TMEM38A: variants seen among roughly 807,000 people sequenced by gnomAD.
TMEM38A encodes the protein transmembrane protein 38A.
TMEM38A carries 17 observed loss-of-function variants against 28.6 expected under a neutral mutation model. The observed-to-expected ratio is 0.60, with a 90% CI of 0.41 to 0.89. The LOEUF (loss-of-function observed/expected upper bound fraction) is 0.89, where lower values mean the gene tolerates loss of function less well. TMEM38A is among the 40% of genes least tolerant of loss of function. The pLI, the probability that TMEM38A is intolerant of heterozygous loss-of-function variation, is 0.00. For synonymous variants in TMEM38A, 169 were observed against 166.1 expected (o/e 1.02, Z -0.14); for missense variants, 328 against 393.1 (o/e 0.83, Z 1.40).
At position 16,689,339 on chromosome 19, in the gene TMEM38A, A is replaced by C. The variant is rs1209798840; in HGVS notation, c.*968A>C. 1 of 152,260 alleles carries C rather than the reference A, an allele frequency of 6.6e-6. No homozygotes were observed. The highest frequency in any genetic ancestry group is 1.5e-5 in the Non-Finnish European group (1 of 68,070). 9.4% of individuals were successfully genotyped at this position (152,260 alleles called of 1,614,324 possible). On this transcript the variant is annotated 3_prime_UTR_variant, in exon 6 of 6. Transcript: ENST00000187762. ...CCTAGCCTCGTGCAGTCAGGAGGGG[A>C]GACCAGGACAGTTGGAAATTATGAT...
At chr19:16,686,705 T>C (rs1444940608) in intron 5 of TMEM38A, among the ~76,000 whole-genome samples, 1 of 152,036 alleles carries the variant, frequency 6.6e-6, no homozygotes. Context: ...AATGGCAGCA[T>C]CAGGTACCCA....
At chr19:16,674,840 G>T (rs910090241) in intron 1 of TMEM38A, among the ~76,000 whole-genome samples, 4 of 151,916 alleles carry the variant, frequency 2.6e-5, no homozygotes, top group Non-Finnish European at 5.9e-5. Context: ...GACCCAGAGG[G>T]ATGCACATTT....
chr19:16,683,972 A>AG (rs2086791637), intron 4 of TMEM38A, among the ~76,000 whole-genome samples: 1 of 150,044 alleles, frequency 6.7e-6, no homozygotes, highest in African/African-American at 2.4e-5. Flanking sequence ...TTCCATCTCA[A>AG]AAAAAAAAAA....
In TMEM38A at chr19:16,661,158, C is replaced by T. The variant is rs142570025; in HGVS notation, c.-60C>T. The T allele has an allele frequency of 0.04, 43,942 of 1,092,728 alleles. 1,001 individuals carry two copies. The highest frequency in any genetic ancestry group is 0.045 in the Non-Finnish European group (40,282 of 896,264). 67.7% of individuals were successfully genotyped at this position (1,092,728 alleles called of 1,614,324 possible). A position where few individuals can be genotyped will look rare whatever the true frequency, so the allele number is the denominator to read the frequency against. On this transcript the variant is annotated 5_prime_UTR_variant, in exon 1 of 6. Coordinates refer to ENST00000187762, the MANE Select transcript of TMEM38A (RefSeq NM_024074.4). The surrounding 1 kb of genome is among the most constrained non-coding windows in gnomAD (Gnocchi z 6.5). The stretch of plus-strand genomic sequence containing the variant: ...GGGGGCGCAGTCGCCGGGCCGCGGG[C>T]GGCGGGACGGACGAGGCCGGGGCCC...
intron 1 of TMEM38A, among the ~76,000 whole-genome samples, chr19:16,667,446 G>T (rs1029144465): frequency 6.6e-6 from 1 of 152,196 alleles, no homozygotes; most frequent in African/African-American, 2.4e-5. Flanking sequence ...CAAAACTGAA[G>T]AAATGAGTGA....
chr19:16,682,105 C>A (rs1051812939), intron 3 of TMEM38A, among the ~76,000 whole-genome samples: 1 of 152,042 alleles, frequency 6.6e-6, no homozygotes, highest in Non-Finnish European at 1.5e-5. Flanking sequence ...GCCTTGGAAG[C>A]CTCATACACA....
intron 1 of TMEM38A, among the ~76,000 whole-genome samples, chr19:16,675,465 C>T (rs2086746188): frequency 6.6e-6 from 1 of 151,452 alleles, no homozygotes; most frequent in Non-Finnish European, 1.5e-5. Flanking sequence ...AACTCCTAGG[C>T]TCAAGAGATC....
chr19:16,678,819 C>T (rs1248518312), intron 1 of TMEM38A, among the ~76,000 whole-genome samples: 1 of 116,110 alleles, frequency 8.6e-6, no homozygotes, highest in Non-Finnish European at 1.9e-5. Flanking sequence ...GTATATTTTA[C>T]AAAAAAAAAT....
At chr19:16,686,782 C>T (rs1359768354) in intron 5 of TMEM38A, among the ~76,000 whole-genome samples, 1 of 152,120 alleles carries the variant, frequency 6.6e-6, no homozygotes, top group South Asian at 2.1e-4. Context: ...TCACCCCACC[C>T]AGGAGGGGTC....
chr19:16,669,792 G>A (rs1258195601), intron 1 of TMEM38A, among the ~76,000 whole-genome samples: 1 of 152,016 alleles, frequency 6.6e-6, no homozygotes, highest in Admixed American at 6.6e-5. Flanking sequence ...CAGTGCTAGA[G>A]TGCCCTGGGG....
At chr19:16,682,882 A>C (rs1286932929) in intron 4 of TMEM38A, among the ~76,000 whole-genome samples, 2 of 152,174 alleles carry the variant, frequency 1.3e-5, no homozygotes, top group Non-Finnish European at 2.9e-5. Context: ...TGGAGTGTGC[A>C]TTGGGAGCAT....
chr19:16,678,883 T>C (rs1049441639), intron 1 of TMEM38A, among the ~76,000 whole-genome samples: 1 of 150,838 alleles, frequency 6.6e-6, no homozygotes, highest in Non-Finnish European at 1.5e-5. Flanking sequence ...GCACGGTGAC[T>C]CATGCCTGTA....
At chr19:16,667,034 C>T (rs1280718042) in intron 1 of TMEM38A, among the ~76,000 whole-genome samples, 5 of 151,360 alleles carry the variant, frequency 3.3e-5, no homozygotes, top group South Asian at 2.1e-4. Flanking sequence ...TTTGGGAGGC[C>T]GAGGCGGGCG....
At chr19:16,670,276 G>T (rs867814668) in intron 1 of TMEM38A, among the ~76,000 whole-genome samples, 3,558 of 114,492 alleles carry the variant, frequency 0.031, 128 homozygotes, top group African/African-American at 0.092. Context: ...CCTGTTTTTT[G>T]TTTTTTTTTT....
chr19:16,661,256 GC>G lies in TMEM38A; in HGVS notation c.40del (p.Leu14SerfsTer64). 2.5e-6 allele frequency: 4 copies of G among 1,594,856 alleles called. No homozygotes were observed. The highest frequency in any genetic ancestry group is 3.4e-6 in the Non-Finnish European group (4 of 1,171,542). ...LSALSLGELA[L>X]SFSRVPLFPV... ...CGGCGCTGAGCCTGGGCGAACTGGCGCTCAGCTTCTCGCGGGTGCCGCTCTT... is the reference window on the plus strand; with the variant it reads ...CGGCGCTGAGCCTGGGCGAACTGGCGTCAGCTTCTCGCGGGTGCCGCTCTT... On this transcript the variant is annotated frameshift_variant, in exon 1 of 6. Transcript: ENST00000187762. LOFTEE classifies it high-confidence loss of function. This position sits in a 1 kb window ranked among gnomAD's most constrained non-coding sequence, Gnocchi z 6.5.
At position 16,688,375 on chromosome 19, in the gene TMEM38A, G is replaced by A. The variant is rs561988026; in HGVS notation, c.*4G>A. 4.5e-6 allele frequency: 7 copies of A among 1,571,848 alleles called. No homozygotes were observed. The East Asian group carries it at 1.4e-4, about 31-fold the overall frequency. On this transcript the variant is annotated 3_prime_UTR_variant, in exon 6 of 6. Transcript: ENST00000187762. ...GAAGGCCAAGAAGGCGGATTAGGGG[G>A]TGGCCCAAGGGGCACCGGGGAGAGG...
chr19:16,683,409 T>C (rs1231877105), intron 4 of TMEM38A, among the ~76,000 whole-genome samples: 2 of 151,188 alleles, frequency 1.3e-5, no homozygotes, highest in Non-Finnish European at 2.9e-5. Context: ...GGCAACATAG[T>C]GAGACCTATT....
rs895848498 is a variant in TMEM38A, at chr19:16,661,714, G to A, written c.124+373G>A. Among the ~76,000 whole-genome samples the A allele has an allele frequency of 1.3e-5, 2 of 151,986 alleles. No individual in the cohort carries two copies. Among genetic ancestry groups the A allele is most frequent in the African/African-American group, 4.8e-5 (2 of 41,336 alleles). ...GTGCATCTGTTCTGGCCGCGCGCAG[G>A]TGTGACCTCCCTCCTTGACCTTGGC... is the stretch of plus-strand genomic sequence containing the variant. On this transcript the variant is annotated intron_variant, in intron 1 of 5. Coordinates refer to ENST00000187762, the MANE Select transcript of TMEM38A (RefSeq NM_024074.4). This position sits in a 1 kb window ranked among gnomAD's most constrained non-coding sequence, Gnocchi z 6.5.
intron 1 of TMEM38A, among the ~76,000 whole-genome samples, chr19:16,665,687 G>A (rs2086700006): frequency 6.6e-6 from 1 of 152,152 alleles, no homozygotes; most frequent in Non-Finnish European, 1.5e-5. Context: ...TTTTGTCAGG[G>A]ATAAGGTCTA....
Sources: allele counts gnomAD v4.1 joint callset (sites outside exome capture counted in the v4.1 genomes callset), GRCh38; gene constraint gnomAD v4.1.1; non-coding constraint Gnocchi (gnomAD v3.1); transcripts MANE v1.5; gene names NCBI Gene and HGNC (gene_info 2026-07-23, HGNC 2026-07-21).